The following CACNB2 variants were observed in gnomAD, a reference collection of about 807,000 sequenced individuals.
CACNB2 encodes the protein voltage-dependent L-type calcium channel subunit beta-2.
In CACNB2, 42 loss-of-function variants were observed where a neutral mutation model predicts 73.3. The observed-to-expected ratio is 0.57, with a 90% CI of 0.45 to 0.74. The LOEUF is 0.74. CACNB2 is among the 30% of genes least tolerant of loss of function. The pLI is 0.00. For synonymous variants in CACNB2, 348 were observed against 310.3 expected (o/e 1.12, Z -1.28); for missense variants, 940 against 853.0 (o/e 1.10, Z -1.27).
intron 2 of CACNB2, among the ~76,000 whole-genome samples, chr10:18,368,009 G>A (rs539261150): frequency 2.0e-5 from 3 of 152,234 alleles, no homozygotes; most frequent in African/African-American, 7.2e-5. Context: ...CTTTTTAGGT[G>A]CGTTTGGGGG....
At position 18,491,941 on chromosome 10, in the gene CACNB2, T is replaced by C. The variant is rs140745791; in HGVS notation, c.334-6414T>C. 1.5e-3 allele frequency among the ~76,000 whole-genome samples: 227 copies of C among 150,022 alleles called. 1 individual carries two copies. The highest frequency in any genetic ancestry group is 6.9e-3 in the Middle Eastern group (2 of 290). ...TGTTACACTGTTATAAAGAAATACC[T>C]GAGACTGAGTAGTTTATCAAGAAAA... is the stretch of plus-strand genomic sequence containing the variant. On this transcript the variant is annotated intron_variant, in intron 3 of 13. Transcript: ENST00000324631.
intron 2 of CACNB2, among the ~76,000 whole-genome samples, chr10:18,357,538 AC>A (rs2041972301): frequency 6.6e-6 from 1 of 152,218 alleles, no homozygotes; most frequent in East Asian, 1.9e-4. Flanking sequence ...ACAATAGTTA[AC>A]AATTTGGTAA....
chr10:18,336,450 C>G (rs551709813), intron 2 of CACNB2, among the ~76,000 whole-genome samples: 19 of 152,274 alleles, frequency 1.2e-4, no homozygotes, highest in African/African-American at 4.6e-4. Context: ...AAAACCTCAT[C>G]TCTACTAAAA....
chr10:18,445,617 C>T (rs2132565648), intron 3 of CACNB2, among the ~76,000 whole-genome samples: 1 of 152,328 alleles, frequency 6.6e-6, no homozygotes, highest in Middle Eastern at 3.4e-3. Flanking sequence ...CCGTCTGTGT[C>T]CTTCTGATGC....
At chr10:18,302,143 C>G (rs192449333) in intron 2 of CACNB2, among the ~76,000 whole-genome samples, 1 of 151,980 alleles carries the variant, frequency 6.6e-6, no homozygotes, top group Non-Finnish European at 1.5e-5. Context: ...CCCAACTTGA[C>G]GTAAAGAAAT....
intron 2 of CACNB2, among the ~76,000 whole-genome samples, chr10:18,364,145 C>A (rs1367663931): frequency 6.6e-6 from 1 of 151,970 alleles, no homozygotes; most frequent in East Asian, 1.9e-4. Context: ...GGGGTTTTGC[C>A]ACTTTGGCCA....
Position 18,512,277 on chromosome 10 carries a change from C to A in CACNB2, c.671-1959C>A, listed in dbSNP as rs145386296. ...AAACCCAGTGGCTTTGCATAAGTCA[C>A]CAGAAGTCTTCCAATGTCATTTTAT... On this transcript the variant is annotated intron_variant, in intron 6 of 13. Transcript: ENST00000324631. 1.5e-4 allele frequency among the ~76,000 whole-genome samples: 23 copies of A among 151,926 alleles called. No homozygotes were observed. In the Middle Eastern group the frequency reaches 0.01, roughly 67 times the overall value.
intron 7 of CACNB2, among the ~76,000 whole-genome samples, chr10:18,517,860 G>A (rs895460036): frequency 6.6e-6 from 1 of 152,160 alleles, no homozygotes; most frequent in Non-Finnish European, 1.5e-5. Context: ...TTGAAATGAG[G>A]TTTTACACAG....
intron 2 of CACNB2, among the ~76,000 whole-genome samples, chr10:18,237,771 GAT>G (rs2036503137): frequency 6.6e-6 from 1 of 152,212 alleles, no homozygotes. Context: ...GATTCAGTGT[GAT>G]ATACCCAACA....
intron 2 of CACNB2, among the ~76,000 whole-genome samples, chr10:18,218,525 G>A (rs1360202900): frequency 6.6e-6 from 1 of 152,178 alleles, no homozygotes; most frequent in Non-Finnish European, 1.5e-5. Flanking sequence ...TCAATTAGCT[G>A]TGTGTGTGCA....
At chr10:18,220,193 ATG>A (rs1327384541) in intron 2 of CACNB2, among the ~76,000 whole-genome samples, 2 of 31,242 alleles carry the variant, frequency 6.4e-5, no homozygotes, top group African/African-American at 3.3e-4. Flanking sequence ...ATACATATAT[ATG>A]TGTGTGTATA....
At chr10:18,289,281 C>CTTTTTTTTTTTTTTT (rs1564407541) in intron 2 of CACNB2, among the ~76,000 whole-genome samples, 1 of 96,940 alleles carries the variant, frequency 1.0e-5, no homozygotes, top group African/African-American at 5.6e-5. Context: ...ATTTTTTTTT[C>CTTTTTTTTTTTTTTT]TTGTTTTTTT....
intron 2 of CACNB2, among the ~76,000 whole-genome samples, chr10:18,171,772 G>A (rs2033262505): frequency 6.6e-6 from 1 of 151,922 alleles, no homozygotes; most frequent in African/African-American, 2.4e-5. Flanking sequence ...AAAGGAGGGT[G>A]GGAATTGTTA....
At chr10:18,278,419 G>A (rs939770826) in intron 2 of CACNB2, among the ~76,000 whole-genome samples, 1 of 152,084 alleles carries the variant, frequency 6.6e-6, no homozygotes, top group Non-Finnish European at 1.5e-5. Context: ...TTCTGGCGAC[G>A]TAGGCAATTG....
In CACNB2 at chr10:18,538,266, C is replaced by A. The variant is rs1554842250; in HGVS notation, c.1389C>A (p.Ala463=). 1 of 1,614,038 alleles carries A rather than the reference C, an allele frequency of 6.2e-7. No individual in the cohort carries two copies. The highest frequency in any genetic ancestry group is 1.1e-5 in the South Asian group (1 of 91,072). Residue 463 remains alanine (A), a synonymous_variant, in exon 13 of 14, where the codon GCC becomes GCA. Coordinates refer to ENST00000324631, the MANE Select transcript of CACNB2 (RefSeq NM_201596.3). ...ACTATCTGGAGGCCTACTGGAAGGC[C>A]ACCCATCCTCCCAGCAGTAGCCTCC... ...LADYLEAYWK[A]THPPSSSLPN...
In CACNB2 at chr10:18,192,276, A is replaced by T. The variant is rs370956807; in HGVS notation, c.213+41301A>T. Among the ~76,000 whole-genome samples the T allele has an allele frequency of 9.2e-5, 14 of 151,828 alleles. No individual in the cohort carries two copies. The South Asian group carries it at 2.1e-3, about 23-fold the overall frequency. ...AGTGGCATCAGACTTACGTTCATTCATTCATTCATTCATGTATTATAATTC... is the reference window on the plus strand; with the variant it reads ...AGTGGCATCAGACTTACGTTCATTCTTTCATTCATTCATGTATTATAATTC... On this transcript the variant is annotated intron_variant, in intron 2 of 13. Transcript: ENST00000324631.
At position 18,514,229 on chromosome 10, in the gene CACNB2, T is replaced by C; in HGVS notation, c.671-7T>C. 6.2e-7 allele frequency: 1 copy of C among 1,614,060 alleles called. No individual in the cohort carries two copies. Among genetic ancestry groups the C allele is most frequent in the Non-Finnish European group, 8.5e-7 (1 of 1,179,914 alleles). ...GTCCACCTGATTTTTGAATTGTCTG[T>C]ATATAGCTATAGACATAGATGCTAC... is the stretch of plus-strand genomic sequence containing the variant. On this transcript the variant is annotated splice_polypyrimidine_tract_variant and splice_region_variant and intron_variant, in intron 6 of 13. Transcript: ENST00000324631.
intron 3 of CACNB2, among the ~76,000 whole-genome samples, chr10:18,450,395 T>G (rs1210786680): frequency 6.6e-6 from 1 of 151,944 alleles, no homozygotes; most frequent in African/African-American, 2.4e-5. Flanking sequence ...AGCCAGTGCT[T>G]TTAGTAATTA....
chr10:18,438,056 C>T (rs1407491673), intron 3 of CACNB2, among the ~76,000 whole-genome samples: 1 of 125,830 alleles, frequency 7.9e-6, no homozygotes, highest in African/African-American at 2.9e-5. Context: ...CTCGCTCTGT[C>T]ACCCAGGCTG....
Sources: allele counts gnomAD v4.1 joint callset (sites outside exome capture counted in the v4.1 genomes callset), GRCh38; gene constraint gnomAD v4.1.1; transcripts MANE v1.5; gene names NCBI Gene and HGNC (gene_info 2026-07-23, HGNC 2026-07-21).